NOL11: variants seen among roughly 807,000 people sequenced by gnomAD.
NOL11 encodes the protein nucleolar protein 11.
A neutral mutation model predicts 93.0 loss-of-function variants in NOL11; 42 were observed. The observed-to-expected ratio is 0.45, with a 90% CI of 0.35 to 0.58. The LOEUF (loss-of-function observed/expected upper bound fraction) is 0.58. NOL11 is among the 20% of genes least tolerant of loss of function. NOL11 has a pLI of 0.00. For missense variants in NOL11, 775 were observed against 841.8 expected, an observed-to-expected ratio of 0.92 and a Z score of 0.98; for synonymous variants, 296 against 293.7, an observed-to-expected ratio of 1.01 and a Z score of -0.08.
intron 6 of NOL11, among the ~76,000 whole-genome samples, chr17:67,724,771 C>T (rs565780280): frequency 2.6e-5 from 4 of 152,262 alleles, no homozygotes; most frequent in African/African-American, 9.6e-5. Context: ...TTAAAATTTA[C>T]CATAAGCTGG....
chr17:67,738,208 T>C lies in NOL11; in HGVS notation c.1616T>C (p.Met539Thr). Reference sequence around the variant, plus strand: ...ATAAATTCTGTACATGATGAGAAAATGGAAGAGCAAACTGAAATTCTTCAA... The same window carrying C: ...ATAAATTCTGTACATGATGAGAAAACGGAAGAGCAAACTGAAATTCTTCAA... ...YSINSVHDEK[M>T]EEQTEILQNG... The change falls in exon 14 of 18, where the codon ATG (methionine) becomes ACG (threonine). Residue 539 changes from methionine to threonine, a missense_variant. This residue lies in a region of NOL11 where 416 missense variants were observed against 525.2 expected (regional missense o/e 0.79). Coordinates refer to ENST00000253247, the MANE Select transcript of NOL11 (RefSeq NM_015462.5). The C allele has an allele frequency of 6.2e-7, 1 of 1,613,286 alleles. No individual in the cohort carries two copies. Among genetic ancestry groups the C allele is most frequent in the Non-Finnish European group, 8.5e-7 (1 of 1,179,504 alleles).
chr17:67,740,415 G>A (rs2055244728), intron 16 of NOL11, among the ~76,000 whole-genome samples: 1 of 151,854 alleles, frequency 6.6e-6, no homozygotes, highest in Non-Finnish European at 1.5e-5. Flanking sequence ...TTCAAGACCA[G>A]CCTGACCAAC....
In NOL11 at chr17:67,739,518, G is replaced by T. The variant is rs1314900564; in HGVS notation, c.1845G>T (p.Leu615=). ...TATCCATTTTTTTTCCCACCCAGCT[G>T]TTTCTTAAGTATTTGTATTTCCTGT... The part of the protein sequence containing the change: ...LKDIPAQHIT[L]FLKYLYFLYL... The change falls in exon 16 of 18, where the codon CTG becomes CTT. Residue 615 remains leucine (L), a splice_region_variant and synonymous_variant. Transcript: ENST00000253247. 6.4e-7 allele frequency: 1 copy of T among 1,568,922 alleles called. No individual in the cohort carries two copies. Among genetic ancestry groups the T allele is most frequent in the South Asian group, 1.2e-5 (1 of 83,314 alleles).
intron 16 of NOL11, among the ~76,000 whole-genome samples, chr17:67,739,971 C>T (rs1567805962): frequency 1.3e-5 from 2 of 152,156 alleles, no homozygotes; most frequent in Admixed American, 6.5e-5. Flanking sequence ...CATGGTGACT[C>T]ACGCCTGTAA....
chr17:67,732,500 A>C (rs1344048178), intron 7 of NOL11, among the ~76,000 whole-genome samples: 2 of 152,018 alleles, frequency 1.3e-5, no homozygotes, highest in Non-Finnish European at 2.9e-5. Context: ...TCAAAAAAAA[A>C]AAAAAAAAAT....
intron 3 of NOL11, among the ~76,000 whole-genome samples, 199 bp downstream of exon 3, chr17:67,720,161 G>C (rs8073601): frequency 0.078 from 11,929 of 152,118 alleles, 1,173 homozygotes; most frequent in East Asian, 0.29. Context: ...TTATATAATT[G>C]ATGAATGAGA....
At chr17:67,730,252 TTTTG>T (rs150109162) in intron 7 of NOL11, among the ~76,000 whole-genome samples, 2,038 of 152,200 alleles carry the variant, frequency 0.013, 37 homozygotes, top group African/African-American at 0.035. Context: ...TTTTGTTGTT[TTTTG>T]TTTGTTTGTT....
intron 7 of NOL11, among the ~76,000 whole-genome samples, chr17:67,728,644 A>G (rs2055122127): frequency 6.6e-6 from 1 of 151,988 alleles, no homozygotes; most frequent in African/African-American, 2.4e-5. Context: ...TGGTCCATAT[A>G]CAAGCAAATA....
At chr17:67,723,328 T>A (rs1225608455) in intron 5 of NOL11, among the ~76,000 whole-genome samples, 2 of 150,538 alleles carry the variant, frequency 1.3e-5, no homozygotes, top group African/African-American at 4.9e-5. Flanking sequence ...CATTATTTTT[T>A]AAACTAAAAT....
In NOL11 at chr17:67,735,913, G is replaced by T. The variant is rs777986267; in HGVS notation, c.944G>T (p.Gly315Val). ...CTTTTTTTGTAGCTCTGGTATTATG[G>T]AGAACATTTGTTTATGCTACATGGA... ...QGTSGQLWYYGEHLFMLHGKS... is the reference protein window; with the variant it reads ...QGTSGQLWYYVEHLFMLHGKS... The change falls in exon 9 of 18, where the codon GGA becomes GTA. Residue 315 changes from glycine (G) to valine (V), a missense_variant. By Grantham distance (109) the Gly-to-Val change is moderately radical. Transcript: ENST00000253247. The T allele has an allele frequency of 1.2e-6, 2 of 1,608,706 alleles. No individual in the cohort carries two copies. Among genetic ancestry groups the T allele is most frequent in the Non-Finnish European group, 1.7e-6 (2 of 1,178,042 alleles).
chr17:67,732,209 G>A (rs1359154298), intron 7 of NOL11, among the ~76,000 whole-genome samples: 8 of 152,052 alleles, frequency 5.3e-5, no homozygotes, highest in East Asian at 1.9e-4. Context: ...GGGACCGGGC[G>A]CAGTAATCAC....
At chr17:67,730,719 A>G (rs1355845323) in intron 7 of NOL11, among the ~76,000 whole-genome samples, 5 of 152,242 alleles carry the variant, frequency 3.3e-5, no homozygotes, top group Non-Finnish European at 5.9e-5. Flanking sequence ...CAGGCATGCA[A>G]TGCATAATAA....
intron 7 of NOL11, among the ~76,000 whole-genome samples, chr17:67,731,054 C>G (rs1196273703): frequency 6.6e-6 from 1 of 152,106 alleles, no homozygotes; most frequent in African/African-American, 2.4e-5. Flanking sequence ...TGCTCATTGT[C>G]TATTTATATG....
chr17:67,738,582 A>G (rs2055225719), intron 14 of NOL11: 1 of 496,386 alleles, frequency 2.0e-6, no homozygotes, highest in South Asian at 3.3e-5. Context: ...CTGTAGTCCC[A>G]GCACTTTTTG....
chr17:67,744,059 T>G lies in NOL11; in HGVS notation c.*200T>G, dbSNP rs112288647. On this transcript the variant is annotated 3_prime_UTR_variant, in exon 18 of 18. Coordinates refer to ENST00000253247, the MANE Select transcript of NOL11 (RefSeq NM_015462.5). Reference sequence around the variant, plus strand: ...TGAACCTGTTCTAGGCTGTGGACATTGGTGTGGAGAGGTTCTGCAATTTTT... The same window carrying G: ...TGAACCTGTTCTAGGCTGTGGACATGGGTGTGGAGAGGTTCTGCAATTTTT... The G allele has an allele frequency of 3.2e-6, 1 of 315,550 alleles. No individual in the cohort carries two copies. Among genetic ancestry groups the G allele is most frequent in the Admixed American group, 5.0e-5 (1 of 20,150 alleles). The allele number at this position is 315,550 out of a possible 1,614,324, so 19.5% of individuals were successfully genotyped here. A position where few individuals can be genotyped will look rare whatever the true frequency, so the allele number is the denominator to read the frequency against.
intron 7 of NOL11, among the ~76,000 whole-genome samples, 169 bp from the exon 8 acceptor site, chr17:67,734,194 T>C (rs185887653): frequency 1.3e-5 from 2 of 152,198 alleles, no homozygotes; most frequent in South Asian, 4.1e-4. Flanking sequence ...TCCAGGCTTC[T>C]TCTTACCATG....
chr17:67,739,654 GAAA>G (rs746329820), intron 16 of NOL11, 46 bp downstream of exon 16: 8 of 1,266,968 alleles, frequency 6.3e-6, no homozygotes, highest in Non-Finnish European at 5.6e-6. Context: ...AAAAATCTGT[GAAA>G]AAAAGTTGTA....
chr17:67,730,044 A>G (rs2055137647), intron 7 of NOL11, among the ~76,000 whole-genome samples: 1 of 152,104 alleles, frequency 6.6e-6, no homozygotes, highest in Non-Finnish European at 1.5e-5. Context: ...CTGGCTAGCC[A>G]AATGTTTTTG....
chr17:67,730,395 G>C (rs892761845), intron 7 of NOL11, among the ~76,000 whole-genome samples: 4 of 152,118 alleles, frequency 2.6e-5, no homozygotes, highest in Admixed American at 6.5e-5. Context: ...CAAGTAGCTG[G>C]GACTACAGGT....
Sources: gnomAD v4.1 joint callset for allele counts (sites outside exome capture counted in the v4.1 genomes callset) on GRCh38, gnomAD v4.1.1 for gene constraint, gnomAD v4.1.1 regional missense constraint, MANE v1.5 for transcripts, NCBI Gene and HGNC (gene_info 2026-07-23, HGNC 2026-07-21) for gene names.